The following PCNX2 variants were observed in gnomAD, a reference collection of about 807,000 sequenced individuals.
PCNX2 encodes pecanex-like protein 2.
Under a neutral mutation model 223.8 loss-of-function variants are expected in PCNX2, and 168 were observed. The ratio of observed to expected loss-of-function variants is 0.75; its 90% CI spans 0.66 to 0.85. PCNX2 has a LOEUF of 0.85. Among genes scored for constraint, PCNX2 ranks in the 40% least tolerant of loss-of-function variants. The pLI is 0.00. For missense variants in PCNX2, 2,507 were observed against 2,675.5 expected, an observed-to-expected ratio of 0.94 and a Z score of 1.39; for synonymous variants, 1,006 against 1,052.6, an observed-to-expected ratio of 0.96 and a Z score of 0.86.
intron 21 of PCNX2, among the ~76,000 whole-genome samples, chr1:233,100,417 C>CAAA (rs5781726): frequency 2.2e-4 from 18 of 81,024 alleles, no homozygotes; most frequent in Non-Finnish European, 3.1e-4. Flanking sequence ...GATTCTGTCT[C>CAAA]AAAAAAAAAA....
chr1:233,212,240 A>C (rs701185), intron 12 of PCNX2, among the ~76,000 whole-genome samples: 68,061 of 151,984 alleles, frequency 0.45, 19,101 homozygotes, highest in African/African-American at 0.79. Context: ...TACACAGCAA[A>C]TATTTTATGA....
At chr1:233,103,044 T>C (rs1674577992) in intron 21 of PCNX2, among the ~76,000 whole-genome samples, 1 of 152,150 alleles carries the variant, frequency 6.6e-6, no homozygotes, top group African/African-American at 2.4e-5. Flanking sequence ...ATTTGAGTTT[T>C]GTGTATGGTG....
At position 233,202,594 on chromosome 1, in the gene PCNX2, A is replaced by G. The variant is rs565372570; in HGVS notation, c.2864-2330T>C. On this transcript the variant is annotated intron_variant, in intron 13 of 33. Coordinates refer to ENST00000258229, the MANE Select transcript of PCNX2 (RefSeq NM_014801.4). ...CTGTGTATTAACTAAATGTCCTCATATGGACTGAGGCCAAGAAATGAGCCT... is the reference window on the plus strand; with the variant it reads ...CTGTGTATTAACTAAATGTCCTCATGTGGACTGAGGCCAAGAAATGAGCCT... Among the ~76,000 whole-genome samples the G allele has an allele frequency of 1.6e-4, 24 of 152,286 alleles. No individual in the cohort carries two copies. The South Asian group carries it at 4.8e-3, about 30-fold the overall frequency.
chr1:233,172,673 C>T, intron 17 of PCNX2: 1 of 402,082 alleles, frequency 2.5e-6, no homozygotes, highest in Non-Finnish European at 3.4e-6. Context: ...TGGGCAAATG[C>T]TCTTGGGGCA....
intron 19 of PCNX2, among the ~76,000 whole-genome samples, chr1:233,147,269 T>C (rs1162366925): frequency 1.3e-5 from 2 of 152,222 alleles, no homozygotes; most frequent in African/African-American, 4.8e-5. Flanking sequence ...ACTGGTAACA[T>C]AAACAGATGA....
intron 9 of PCNX2, among the ~76,000 whole-genome samples, chr1:233,228,655 G>A (rs1657883956): frequency 6.6e-6 from 1 of 152,206 alleles, no homozygotes; most frequent in East Asian, 1.9e-4. Context: ...TCTTTTTAAG[G>A]CTGAATAATA....
intron 13 of PCNX2, among the ~76,000 whole-genome samples, chr1:233,207,192 A>G (rs940767412): frequency 1.3e-5 from 2 of 152,126 alleles, no homozygotes; most frequent in African/African-American, 2.4e-5. Context: ...GCCAGAGGGT[A>G]GAATGCCTAC....
intron 1 of PCNX2, among the ~76,000 whole-genome samples, chr1:233,281,210 A>G (rs1661178645): frequency 6.6e-6 from 1 of 152,258 alleles, no homozygotes; most frequent in Non-Finnish European, 1.5e-5. Context: ...TCTTATATTC[A>G]GGAATTTTTC....
At position 233,160,558 on chromosome 1, in the gene PCNX2, C is replaced by T. The variant is rs909126957; in HGVS notation, c.3367-125G>A. 23 of 1,098,080 alleles carry T rather than the reference C, an allele frequency of 2.1e-5. No homozygotes were observed. The African/African-American group carries it at 3.3e-4, about 16-fold the overall frequency. The allele number at this position is 1,098,080 out of a possible 1,614,324, so 68.0% of individuals were successfully genotyped here. ...TCTTAACGGATAGCCAGACTCAGTT[C>T]TTGTTTCAGGCCTCTGAAAATGTCT... On this transcript the variant is annotated intron_variant, in intron 18 of 33. Transcript: ENST00000258229.
At chr1:233,017,606 A>G (rs576591999) in intron 26 of PCNX2, among the ~76,000 whole-genome samples, 36 of 151,980 alleles carry the variant, frequency 2.4e-4, no homozygotes, top group African/African-American at 5.3e-4. Context: ...ATGAGCCACC[A>G]TGCCTGGCCT....
chr1:233,212,776 A>T (rs1396280624), intron 12 of PCNX2, among the ~76,000 whole-genome samples: 1 of 152,266 alleles, frequency 6.6e-6, no homozygotes, highest in Non-Finnish European at 1.5e-5. Flanking sequence ...TGTTTTGAGC[A>T]AAGACACAAT....
intron 23 of PCNX2, chr1:233,058,312 A>T (rs1672264606): frequency 6.6e-6 from 1 of 152,410 alleles, no homozygotes; most frequent in African/African-American, 2.4e-5. Flanking sequence ...AACTCCACAC[A>T]TCCCCAAAAC....
At chr1:233,307,984 A>T in the PCNX2 span, among the ~76,000 whole-genome samples, 5 of 152,354 alleles carry the variant, frequency 3.3e-5, no homozygotes, top group African/African-American at 1.2e-4. Context: ...TCACCAAAGG[A>T]TGAACTTCTG....
At chr1:233,290,656 C>T (rs1343213533) in intron 1 of PCNX2, 1 of 791,208 alleles carries the variant, frequency 1.3e-6, no homozygotes, top group Admixed American at 6.3e-5. Context: ...TGGGTGCTTA[C>T]TATTTGCCTA....
chr1:233,250,745 T>C lies in PCNX2; in HGVS notation c.2216A>G (p.Gln739Arg), dbSNP rs748003413. 3 of 1,604,596 alleles carry C rather than the reference T, an allele frequency of 1.9e-6. No homozygotes were observed. Among genetic ancestry groups the C allele is most frequent in the African/African-American group, 1.3e-5 (1 of 74,766 alleles). Residue 739 changes from glutamine to arginine, a missense_variant, in exon 8 of 34, where the codon CAG becomes CGG. Physicochemically the swap from Gln to Arg is conservative, Grantham distance 43. This residue lies in a region of PCNX2 where 1,031 missense variants were observed against 1,021.7 expected (regional missense o/e 1.01). Coordinates refer to ENST00000258229, the MANE Select transcript of PCNX2 (RefSeq NM_014801.4). The stretch of plus-strand genomic sequence containing the variant: ...GAAACAAAGCTCCACTCACCGAGCC[T>C]GAGAGAGACAGTCATTATTTGATGG... The part of the protein sequence containing the change: ...PLPSNNDCLS[Q>R]AREMQVSSSS...
intron 19 of PCNX2, among the ~76,000 whole-genome samples, chr1:233,156,930 C>A (rs1053530176): frequency 2.0e-5 from 3 of 151,934 alleles, no homozygotes; most frequent in Non-Finnish European, 2.9e-5. Context: ...AACAAACAAA[C>A]AAACAAACAA....
At chr1:233,324,282 T>C in the PCNX2 span, among the ~76,000 whole-genome samples, 2 of 152,208 alleles carry the variant, frequency 1.3e-5, no homozygotes, top group South Asian at 2.1e-4. Context: ...CCAGAACATC[T>C]AGCTAAGATA....
chr1:233,171,442 A>AT (rs1679146710), intron 17 of PCNX2, among the ~76,000 whole-genome samples: 1 of 152,154 alleles, frequency 6.6e-6, no homozygotes, highest in South Asian at 2.1e-4. Context: ...CTTAAAAGAT[A>AT]TTTTCACTAG....
the PCNX2 span, among the ~76,000 whole-genome samples, chr1:233,319,444 A>C: frequency 2.0e-5 from 3 of 152,230 alleles, no homozygotes; most frequent in Non-Finnish European, 4.4e-5. Context: ...GGTGCAAGAG[A>C]GAGGAAAAGC....
Sources: gnomAD v4.1 joint callset for allele counts (sites outside exome capture counted in the v4.1 genomes callset) on GRCh38, gnomAD v4.1.1 for gene constraint, gnomAD v4.1.1 regional missense constraint, MANE v1.5 for transcripts, NCBI Gene and HGNC (gene_info 2026-07-23, HGNC 2026-07-21) for gene names.